The following GAL3ST3 variants were observed in gnomAD, a reference collection of about 807,000 sequenced individuals.
GAL3ST3 encodes the protein galactose-3-O-sulfotransferase 3, also known as beta-galactose-3-O-sulfotransferase 3.
GAL3ST3 carries 21 observed loss-of-function variants against 20.8 expected under a neutral mutation model. The ratio of observed to expected loss-of-function variants is 1.01; its 90% CI spans 0.72 to 1.45. The LOEUF (loss-of-function observed/expected upper bound fraction) is 1.45, where lower values mean the gene tolerates loss of function less well. Ranked by LOEUF, GAL3ST3 falls within the 40% of genes most tolerant of loss-of-function variation. The pLI is 0.00. For missense variants in GAL3ST3, 739 were observed against 662.7 expected (o/e 1.12, Z -1.26); for synonymous variants, 355 against 307.2 (o/e 1.16, Z -1.63).
chr11:66,044,183 C>T (rs1330583491), intron 2 of GAL3ST3, among the ~76,000 whole-genome samples: 2 of 152,182 alleles, frequency 1.3e-5, no homozygotes, highest in Non-Finnish European at 2.9e-5. Flanking sequence ...GGAAGCTGAT[C>T]CCTTCCAATC....
intron 1 of GAL3ST3, among the ~76,000 whole-genome samples, chr11:66,046,460 G>C (rs1240920246): frequency 6.6e-6 from 1 of 152,236 alleles, no homozygotes; most frequent in African/African-American, 2.4e-5. Context: ...TGACTCTGCA[G>C]GGAAAAGTGC....
Position 66,043,252 on chromosome 11 carries a change from A to T in GAL3ST3, c.551T>A (p.Leu184Gln). 6.2e-7 allele frequency: 1 copy of T among 1,612,164 alleles called. No homozygotes were observed. Among genetic ancestry groups the T allele is most frequent in the Non-Finnish European group, 8.5e-7 (1 of 1,179,248 alleles). ...GCGGTAGTATGCCTCGGGCGCGCGC[A>T]GGAAGGCCTCGAGCGAGGCGTTGGG... is the stretch of plus-strand genomic sequence containing the variant. Reference protein sequence around the residue: ...RVPNASLEAFLRAPEAYYRAG... With the variant: ...RVPNASLEAFQRAPEAYYRAG... Residue 184 changes from leucine to glutamine, a missense_variant, in exon 3 of 3, where the codon CTG becomes CAG. By Grantham distance (113) the Leu-to-Gln change is moderately radical. Coordinates refer to ENST00000312006, the MANE Select transcript of GAL3ST3 (RefSeq NM_033036.3).
intron 1 of GAL3ST3, among the ~76,000 whole-genome samples, chr11:66,047,460 G>GT (rs1590701988): frequency 6.6e-6 from 1 of 152,180 alleles, no homozygotes; most frequent in Non-Finnish European, 1.5e-5. Context: ...CAGGTGCCTG[G>GT]TATCCCCCTC....
At chr11:66,046,455 C>T (rs910037922) in intron 1 of GAL3ST3, among the ~76,000 whole-genome samples, 6 of 152,362 alleles carry the variant, frequency 3.9e-5, no homozygotes, top group African/African-American at 1.2e-4. Flanking sequence ...TCAGCTGACT[C>T]TGCAGGGAAA....
rs1856711689 is a variant in GAL3ST3, at chr11:66,042,190, TGGGGGCTCAGCCCCCAGAAAAAGGCA to T, written c.*291_*316del. 4 of 274,970 alleles carry T rather than the reference TGGGGGCTCAGCCCCCAGAAAAAGGCA, an allele frequency of 1.5e-5. No homozygotes were observed. Among genetic ancestry groups the T allele is most frequent in the Middle Eastern group, 1.0e-3 (1 of 982 alleles). The allele number at this position is 274,970 out of a possible 1,614,324, so 17.0% of individuals were successfully genotyped here. ...TTATCCACTTGGAAAAGACAGGTTG[TGGGGGCTCAGCCCCCAGAAAAAGGCA>T]GGGTGAGCAGTTCTGGACAGCCCTC... On this transcript the variant is annotated 3_prime_UTR_variant, in exon 3 of 3. Coordinates refer to ENST00000312006, the MANE Select transcript of GAL3ST3 (RefSeq NM_033036.3).
At position 66,042,354 on chromosome 11, in the gene GAL3ST3, G is replaced by A. The variant is rs1427038555; in HGVS notation, c.*153C>T. The stretch of plus-strand genomic sequence containing the variant: ...AGGTTCAGCCCACGATCGGGAGCGG[G>A]GGCTCAGATAGGGAGGCGTACCCCA... On this transcript the variant is annotated 3_prime_UTR_variant, in exon 3 of 3. Transcript: ENST00000312006. 1 of 604,458 alleles carries A rather than the reference G, an allele frequency of 1.7e-6. No homozygotes were observed. Among genetic ancestry groups the A allele is most frequent in the East Asian group, 3.2e-5 (1 of 31,124 alleles). The allele number at this position is 604,458 out of a possible 1,614,324, so 37.4% of individuals were successfully genotyped here.
chr11:66,045,364 G>C lies in GAL3ST3; in HGVS notation c.52C>G (p.Arg18Gly), dbSNP rs1398836773. 1.2e-6 allele frequency: 2 copies of C among 1,607,376 alleles called. No homozygotes were observed. The highest frequency in any genetic ancestry group is 1.7e-5 in the Admixed American group (1 of 59,256). ...LQQATKMMSR[R>G]KILLLVLGCS... The stretch of plus-strand genomic sequence containing the variant: ...CCTAGCACCAGCAGCAGGATTTTCC[G>C]GCGGCTCATCATCTTGGTGGCCTGC... Residue 18 changes from arginine to glycine, a missense_variant, in exon 2 of 3, where the codon CGG becomes GGG. By Grantham distance (125) the Arg-to-Gly change is moderately radical. Transcript: ENST00000312006.
intron 1 of GAL3ST3, among the ~76,000 whole-genome samples, chr11:66,048,746 C>T (rs894685463): frequency 2.0e-5 from 3 of 151,340 alleles, no homozygotes; most frequent in Non-Finnish European, 4.4e-5. Context: ...TCCATTACTG[C>T]CCACCCGCAC....
In GAL3ST3 at chr11:66,043,149, G is replaced by A. The variant is rs754745462; in HGVS notation, c.654C>T (p.Arg218=). 33 of 1,611,532 alleles carry A rather than the reference G, an allele frequency of 2.0e-5. No homozygotes were observed. Among genetic ancestry groups the A allele is most frequent in the Non-Finnish European group, 1.5e-5 (18 of 1,179,246 alleles). ...DLGGDNERSP[R]DDAAYLAGLI... ...GGCCCGCCAGGTAGGCGGCGTCGTC[G>A]CGCGGGCTGCGCTCATTGTCGCCGC... The change falls in exon 3 of 3, where the codon CGC becomes CGT. Residue 218 remains arginine (R), a synonymous_variant. Coordinates refer to ENST00000312006, the MANE Select transcript of GAL3ST3 (RefSeq NM_033036.3).
chr11:66,045,264 GGCCCCCC>G lies in GAL3ST3; in HGVS notation c.125+20_125+26del. 21 of 1,492,932 alleles carry G rather than the reference GGCCCCCC, an allele frequency of 1.4e-5. No homozygotes were observed. The highest frequency in any genetic ancestry group is 1.9e-5 in the Non-Finnish European group (21 of 1,117,392). The allele number at this position is 1,492,932 out of a possible 1,614,324, so 92.5% of individuals were successfully genotyped here. On this transcript the variant is annotated intron_variant, in intron 2 of 2. Transcript: ENST00000312006. ...GTGGAAGAATGGGGAGGGGAGCTCC[GGCCCCCC>G]TGGGGCCCCGCCCCCTTACCAGCTG...
In GAL3ST3 at chr11:66,043,194, G is replaced by A. The variant is rs1022792038; in HGVS notation, c.609C>T (p.Asn203=). The A allele has an allele frequency of 6.2e-7, 1 of 1,612,294 alleles. No homozygotes were observed. The highest frequency in any genetic ancestry group is 8.5e-7 in the Non-Finnish European group (1 of 1,179,482). The part of the protein sequence containing the change: ...AGEHFAMFAH[N]TLAYDLGGDN... ...CGCCGCCCAGGTCGTAGGCCAGCGT[G>A]TTGTGTGCGAACATGGCGAAGTGCT... Residue 203 remains asparagine, a synonymous_variant, in exon 3 of 3, where the codon AAC becomes AAT. Transcript: ENST00000312006.
chr11:66,045,089 A>G, intron 2 of GAL3ST3: 1 of 421,044 alleles, frequency 2.4e-6, no homozygotes, highest in East Asian at 3.7e-5. Flanking sequence ...CTGGATTCGG[A>G]TCTCAGCTAA....
intron 1 of GAL3ST3, among the ~76,000 whole-genome samples, chr11:66,048,633 AC>A (rs534070093): frequency 4.2e-5 from 2 of 47,238 alleles, no homozygotes; most frequent in South Asian, 1.4e-3. Context: ...CTCCTCCCCC[AC>A]CCCCCAGCCT....
Position 66,041,661 on chromosome 11 carries a change from GC to G in GAL3ST3, c.*845del, listed in dbSNP as rs1856705681. The stretch of plus-strand genomic sequence containing the variant: ...TCCCCATAAGCTCCATGAAAATAAG[GC>G]CCTATCTATCTGGTTCACCTGTATC... On this transcript the variant is annotated 3_prime_UTR_variant, in exon 3 of 3. Transcript: ENST00000312006. 6.6e-6 allele frequency among the ~76,000 whole-genome samples: 1 copy of G among 152,188 alleles called. No individual in the cohort carries two copies. The highest frequency in any genetic ancestry group is 1.5e-5 in the Non-Finnish European group (1 of 68,030).
At chr11:66,044,185 C>T (rs1856756343) in intron 2 of GAL3ST3, among the ~76,000 whole-genome samples, 1 of 152,210 alleles carries the variant, frequency 6.6e-6, no homozygotes, top group African/African-American at 2.4e-5. Flanking sequence ...AAGCTGATCC[C>T]TTCCAATCAA....
In GAL3ST3 at chr11:66,043,146, G is replaced by A; in HGVS notation, c.657C>T (p.Asp219=). 1 of 1,611,684 alleles carries A rather than the reference G, an allele frequency of 6.2e-7. No homozygotes were observed. Among genetic ancestry groups the A allele is most frequent in the Non-Finnish European group, 8.5e-7 (1 of 1,179,276 alleles). The change falls in exon 3 of 3, where the codon GAC becomes GAT. Residue 219 remains aspartate, a synonymous_variant. Coordinates refer to ENST00000312006, the MANE Select transcript of GAL3ST3 (RefSeq NM_033036.3). ...LGGDNERSPR[D]DAAYLAGLIR... ...TGAGGCCCGCCAGGTAGGCGGCGTC[G>A]TCGCGCGGGCTGCGCTCATTGTCGC...
In GAL3ST3 at chr11:66,042,239, C is replaced by G. The variant is rs923949988; in HGVS notation, c.*268G>C. On this transcript the variant is annotated 3_prime_UTR_variant, in exon 3 of 3. Transcript: ENST00000312006. The stretch of plus-strand genomic sequence containing the variant: ...GCAGGGTGAGCAGTTCTGGACAGCC[C>G]TCAGGCCTCTTGTCAAAATCACCAA... The G allele has an allele frequency of 1.6e-5, 7 of 446,318 alleles. No homozygotes were observed. Among genetic ancestry groups the G allele is most frequent in the African/African-American group, 1.0e-4 (5 of 48,218 alleles). 27.6% of individuals were successfully genotyped at this position (446,318 alleles called of 1,614,324 possible). A position where few individuals can be genotyped will look rare whatever the true frequency, so the allele number is the denominator to read the frequency against.
chr11:66,047,693 C>CT (rs1320114755), intron 1 of GAL3ST3, among the ~76,000 whole-genome samples: 3 of 152,226 alleles, frequency 2.0e-5, no homozygotes, highest in Non-Finnish European at 4.4e-5. Flanking sequence ...TTCTGAGCAA[C>CT]TTACAGCTTG....
At position 66,042,938 on chromosome 11, in the gene GAL3ST3, T is replaced by C. The variant is rs1350240076; in HGVS notation, c.865A>G (p.Thr289Ala). The part of the protein sequence containing the change: ...IPAALARAAR[T>A]WNALDAGLYD... ...AGGCCGGCGTCCAGGGCGTTCCAGG[T>C]GCGCGCCGCCCGCGCCAGCGCCGCG... Residue 289 changes from threonine to alanine, a missense_variant, in exon 3 of 3, where the codon ACC becomes GCC. Physicochemically the swap from Thr to Ala is moderately conservative, Grantham distance 58. Transcript: ENST00000312006. 5 of 1,242,874 alleles carry C rather than the reference T, an allele frequency of 4.0e-6. No individual in the cohort carries two copies. The highest frequency in any genetic ancestry group is 5.1e-6 in the Non-Finnish European group (5 of 986,384). 77.0% of individuals were successfully genotyped at this position (1,242,874 alleles called of 1,614,324 possible). A position where few individuals can be genotyped will look rare whatever the true frequency, so the allele number is the denominator to read the frequency against.
Sources: allele counts gnomAD v4.1 joint callset (sites outside exome capture counted in the v4.1 genomes callset), GRCh38; gene constraint gnomAD v4.1.1; transcripts MANE v1.5; gene names NCBI Gene and HGNC (gene_info 2026-07-23, HGNC 2026-07-21).